The following COPS2 variants were observed in gnomAD, a reference collection of about 807,000 sequenced individuals.
COPS2 encodes COP9 signalosome complex subunit 2.
In COPS2, 10 loss-of-function variants were observed where a neutral mutation model predicts 66.1. The ratio of observed to expected loss-of-function variants is 0.15; its 90% confidence interval spans 0.09 to 0.26. The LOEUF (loss-of-function observed/expected upper bound fraction) is 0.26, where lower values mean the gene tolerates loss of function less well. Ranked by LOEUF, COPS2 falls within the 10% of genes least tolerant of loss-of-function variation. COPS2 has a pLI of 1.00. For missense variants in COPS2, 215 were observed against 513.3 expected (o/e 0.42, Z 5.62); for synonymous variants, 179 against 171.3 (o/e 1.04, Z -0.35).
chr15:49,128,638 T>C, intron 12 of COPS2, 64 bp downstream of exon 12: 1 of 1,146,394 alleles, frequency 8.7e-7, no homozygotes, highest in Non-Finnish European at 1.3e-6. Context: ...TTGTTACCTT[T>C]GTCACTATTA....
At position 49,125,727 on chromosome 15, in the gene COPS2, G is replaced by A. The variant is rs899953969; in HGVS notation, c.*2223C>T. On this transcript the variant is annotated 3_prime_UTR_variant, in exon 13 of 13. Coordinates refer to ENST00000388901, the MANE Select transcript of COPS2 (RefSeq NM_004236.4). ...AGATGACTAACAGAAAAAAAAGAAC[G>A]CACCTATATCTGGGTAAACAAAGCT... 9.9e-5 allele frequency: 15 copies of A among 151,914 alleles called. No individual in the cohort carries two copies. Among genetic ancestry groups the A allele is most frequent in the Non-Finnish European group, 1.8e-4 (12 of 67,904 alleles). 9.4% of individuals were successfully genotyped at this position (151,914 alleles called of 1,614,324 possible).
intron 12 of COPS2, 53 bp downstream of exon 12, chr15:49,128,649 T>C: frequency 7.7e-7 from 1 of 1,298,762 alleles, no homozygotes; most frequent in Non-Finnish European, 1.1e-6. Context: ...GTCACTATTA[T>C]TCAAAACTTA....
intron 1 of COPS2, among the ~76,000 whole-genome samples, chr15:49,153,628 G>C (rs945867927): frequency 1.3e-5 from 2 of 152,188 alleles, no homozygotes; most frequent in African/African-American, 4.8e-5. Context: ...AGCAAAGACA[G>C]GGAATCAACC....
chr15:49,145,265 G>A (rs930764401), intron 1 of COPS2, among the ~76,000 whole-genome samples, 187 bp from the exon 2 acceptor site: 12 of 152,154 alleles, frequency 7.9e-5, no homozygotes, highest in African/African-American at 2.7e-4. Context: ...AAGAGAGGAG[G>A]AAGGAGGAGT....
intron 9 of COPS2, 53 bp downstream of exon 9, chr15:49,133,706 C>T: frequency 7.8e-7 from 1 of 1,279,400 alleles, no homozygotes; most frequent in Non-Finnish European, 1.1e-6. Flanking sequence ...CTCACTCTTT[C>T]CTTTATGAAC....
chr15:49,133,634 A>C, intron 9 of COPS2, 125 bp downstream of exon 9: 1 of 627,542 alleles, frequency 1.6e-6, no homozygotes, highest in South Asian at 2.5e-5. Context: ...AAATTCTACA[A>C]ACTTTTCTAA....
intron 1 of COPS2, among the ~76,000 whole-genome samples, chr15:49,151,001 G>A (rs750715939): frequency 1.3e-5 from 2 of 152,058 alleles, no homozygotes; most frequent in South Asian, 2.1e-4. Context: ...GCTTGACTAG[G>A]GGAATATAAT....
intron 1 of COPS2, among the ~76,000 whole-genome samples, chr15:49,146,659 G>A (rs944266728): frequency 2.6e-5 from 4 of 151,920 alleles, no homozygotes; most frequent in Non-Finnish European, 4.4e-5. Flanking sequence ...ATCCACTCCC[G>A]AACCCCCTGC....
intron 2 of COPS2, 42 bp downstream of exon 2, chr15:49,144,922 TA>T (rs201599444): frequency 4.5e-6 from 5 of 1,112,548 alleles, no homozygotes; most frequent in South Asian, 1.5e-5. Flanking sequence ...AGCATATCAT[TA>T]AAAAAATTAA....
rs552027113 is a variant in COPS2, at chr15:49,124,356, G to C, written c.*3594C>G. 6.6e-6 allele frequency: 1 copy of C among 151,830 alleles called. No individual in the cohort carries two copies. The highest frequency in any genetic ancestry group is 1.5e-5 in the Non-Finnish European group (1 of 68,020). The allele number at this position is 151,830 out of a possible 1,614,324, so 9.4% of individuals were successfully genotyped here. On this transcript the variant is annotated 3_prime_UTR_variant, in exon 13 of 13. Coordinates refer to ENST00000388901, the MANE Select transcript of COPS2 (RefSeq NM_004236.4). ...CACTGCACTCCAGCCTGGGTGACAA[G>C]AGCGAAACTGTTTCCAAAAAAAGCA...
At chr15:49,150,341 C>T (rs2141134243) in intron 1 of COPS2, among the ~76,000 whole-genome samples, 1 of 151,934 alleles carries the variant, frequency 6.6e-6, no homozygotes, top group African/African-American at 2.4e-5. Context: ...ATTTTTCCCA[C>T]CTAACAAAAT....
Position 49,134,473 on chromosome 15 carries a change from T to C in COPS2, c.582A>G (p.Leu194=). 1 of 1,612,154 alleles carries C rather than the reference T, an allele frequency of 6.2e-7. No homozygotes were observed. The highest frequency in any genetic ancestry group is 2.2e-5 in the East Asian group (1 of 44,858). The part of the protein sequence containing the change: ...GEDDLKKGTQ[L]LEIYALEIQM... ...GAATTTCCAAAGCATATATTTCTAATAACTGTGTACCTTTTTTCAGATCAT... is the reference window on the plus strand; with the variant it reads ...GAATTTCCAAAGCATATATTTCTAACAACTGTGTACCTTTTTTCAGATCAT... Residue 194 remains leucine, a synonymous_variant, in exon 7 of 13, where the codon TTA becomes TTG. Coordinates refer to ENST00000388901, the MANE Select transcript of COPS2 (RefSeq NM_004236.4).
chr15:49,133,013 G>C (rs1303444430), intron 9 of COPS2, among the ~76,000 whole-genome samples: 3 of 148,056 alleles, frequency 2.0e-5, no homozygotes, highest in African/African-American at 7.5e-5. Context: ...TTTTGAGACG[G>C]AGTCTTGCTC....
intron 7 of COPS2, 26 bp from the exon 8 acceptor site, chr15:49,134,134 T>C (rs761681086): frequency 3.8e-6 from 6 of 1,580,338 alleles, no homozygotes; most frequent in African/African-American, 1.4e-5. Flanking sequence ...CATGAGAAAA[T>C]AGGACATTTT....
rs1403250161 is a variant in COPS2, at chr15:49,123,552, T to C, written c.*4398A>G. On this transcript the variant is annotated 3_prime_UTR_variant, in exon 13 of 13. Transcript: ENST00000388901. Reference sequence around the variant, plus strand: ...CCACAAGTATGTTTCACTTATTACATATGTATACATATGCACACAAAAAAG... The same window carrying C: ...CCACAAGTATGTTTCACTTATTACACATGTATACATATGCACACAAAAAAG... 1 of 152,222 alleles carries C rather than the reference T, an allele frequency of 6.6e-6. No individual in the cohort carries two copies. The highest frequency in any genetic ancestry group is 1.5e-5 in the Non-Finnish European group (1 of 68,036). 9.4% of individuals were successfully genotyped at this position (152,222 alleles called of 1,614,324 possible). A position where few individuals can be genotyped will look rare whatever the true frequency, so the allele number is the denominator to read the frequency against.
rs1395450092 is a variant in COPS2 at position 49,125,597 on chromosome 15, A to G, written c.*2353T>C. 1 of 152,128 alleles carries G rather than the reference A, an allele frequency of 6.6e-6. No individual in the cohort carries two copies. Among genetic ancestry groups the G allele is most frequent in the African/African-American group, 2.4e-5 (1 of 41,460 alleles). The allele number at this position is 152,128 out of a possible 1,614,324, so 9.4% of individuals were successfully genotyped here. A position where few individuals can be genotyped will look rare whatever the true frequency, so the allele number is the denominator to read the frequency against. On this transcript the variant is annotated 3_prime_UTR_variant, in exon 13 of 13. Coordinates refer to ENST00000388901, the MANE Select transcript of COPS2 (RefSeq NM_004236.4). ...TAAGATTTCAACTCTACAATATTTG[A>G]TGCACAAAAACACAGAAAAATGTTT...
intron 10 of COPS2, 46 bp from the exon 11 acceptor site, chr15:49,129,605 T>TGATCCATAAA: frequency 1.0e-6 from 1 of 1,003,292 alleles, no homozygotes; most frequent in Non-Finnish European, 1.4e-6. Flanking sequence ...ACAGTTTGTA[T>TGATCCATAAA]GATATCTTTA....
intron 12 of COPS2, among the ~76,000 whole-genome samples, chr15:49,128,326 T>C (rs1595818687): frequency 6.6e-6 from 1 of 152,228 alleles, no homozygotes. Flanking sequence ...CATAGATTTA[T>C]CCGATTAATC....
chr15:49,137,005 A>G (rs2084257854), intron 6 of COPS2, 145 bp downstream of exon 6: 1 of 606,018 alleles, frequency 1.7e-6, no homozygotes, highest in Non-Finnish European at 2.8e-6. Context: ...AAAAAAAAAG[A>G]TAATTTTATA....
Sources: gnomAD v4.1 joint callset for allele counts (sites outside exome capture counted in the v4.1 genomes callset) on GRCh38, gnomAD v4.1.1 for gene constraint, MANE v1.5 for transcripts, NCBI Gene and HGNC (gene_info 2026-07-23, HGNC 2026-07-21) for gene names.